The following CFAP299 variants were observed in gnomAD, a reference collection of about 807,000 sequenced individuals.
The protein encoded by CFAP299 is cilia and flagella associated protein 299, also known as cilia- and flagella-associated protein 299.
In CFAP299, 21 loss-of-function variants were observed where a neutral mutation model predicts 27.0. The ratio of observed to expected loss-of-function variants is 0.78; its 90% CI spans 0.55 to 1.12. CFAP299 has a LOEUF of 1.12. CFAP299 is among the 50% of genes most tolerant of loss of function. CFAP299 has a pLI of 0.00. For synonymous variants in CFAP299, 104 were observed against 98.1 expected (o/e 1.06, Z -0.36); for missense variants, 310 against 276.6 (o/e 1.12, Z -0.86).
At chr4:80,571,275 G>T (rs1236781778) in intron 2 of CFAP299, among the ~76,000 whole-genome samples, 1 of 152,024 alleles carries the variant, frequency 6.6e-6, no homozygotes, top group Non-Finnish European at 1.5e-5. Flanking sequence ...TCAAGATAAG[G>T]AAGTTTTTCC....
At chr4:80,665,835 T>A (rs1461212358) in intron 3 of CFAP299, among the ~76,000 whole-genome samples, 1 of 152,050 alleles carries the variant, frequency 6.6e-6, no homozygotes, top group Non-Finnish European at 1.5e-5. Context: ...GAATAGTGAG[T>A]GAGTCCTTGT....
chr4:80,567,546 A>C (rs1041844741), intron 2 of CFAP299, among the ~76,000 whole-genome samples: 1 of 151,958 alleles, frequency 6.6e-6, no homozygotes, highest in African/African-American at 2.4e-5. Flanking sequence ...AGGGGAGGAG[A>C]CTAAAAAAGC....
intron 2 of CFAP299, among the ~76,000 whole-genome samples, chr4:80,401,208 A>G (rs1291700626): frequency 6.6e-6 from 1 of 152,210 alleles, no homozygotes; most frequent in Non-Finnish European, 1.5e-5. Flanking sequence ...TCTGGGGAGA[A>G]ATTCAAGCTG....
At chr4:80,334,049 G>A (rs1373288165), upstream of CFAP299, among the ~76,000 whole-genome samples, 1 of 152,148 alleles carries the variant, frequency 6.6e-6, no homozygotes, top group African/African-American at 2.4e-5. Context: ...GATATTAATA[G>A]AGAAGCTGAT....
At chr4:80,364,089 A>AAAACACACACACACACACACACAC (rs1553916990) in intron 2 of CFAP299, among the ~76,000 whole-genome samples, 1 of 110,844 alleles carries the variant, frequency 9.0e-6, no homozygotes, top group African/African-American at 3.8e-5. Context: ...TCCGTCTCAA[A>AAAACACACACACACACACACACAC]ACACACACAC....
intron 2 of CFAP299, among the ~76,000 whole-genome samples, chr4:80,503,049 C>T (rs1253767828): frequency 2.6e-5 from 4 of 152,196 alleles, no homozygotes; most frequent in South Asian, 2.1e-4. Flanking sequence ...ATAATGTTAT[C>T]GAGAGGCAGA....
chr4:80,482,945 C>A (rs1366317402), intron 2 of CFAP299, among the ~76,000 whole-genome samples: 2 of 152,192 alleles, frequency 1.3e-5, no homozygotes, highest in Non-Finnish European at 1.5e-5. Flanking sequence ...AATACCTTCC[C>A]TTCCCCAAGA....
chr4:80,911,092 C>A (rs566019351), intron 4 of CFAP299, among the ~76,000 whole-genome samples: 3 of 151,922 alleles, frequency 2.0e-5, no homozygotes, highest in East Asian at 1.9e-4. Flanking sequence ...GTATGCAGAG[C>A]CTTTGCAATT....
intron 3 of CFAP299, among the ~76,000 whole-genome samples, chr4:80,840,182 T>G (rs1053437953): frequency 6.6e-6 from 1 of 152,172 alleles, no homozygotes; most frequent in Non-Finnish European, 1.5e-5. Flanking sequence ...CACATTCAAA[T>G]TAAGTTACCC....
At chr4:80,524,570 A>G (rs1733079501) in intron 2 of CFAP299, among the ~76,000 whole-genome samples, 1 of 152,162 alleles carries the variant, frequency 6.6e-6, no homozygotes, top group South Asian at 2.1e-4. Flanking sequence ...GCCCATATGT[A>G]TGACTGCCTA....
intron 2 of CFAP299, among the ~76,000 whole-genome samples, chr4:80,566,560 G>C (rs1295088808): frequency 6.6e-6 from 1 of 152,072 alleles, no homozygotes; most frequent in Non-Finnish European, 1.5e-5. Context: ...GACATATGTA[G>C]CATAAGGACC....
At position 80,406,977 on chromosome 4, in the gene CFAP299, G is replaced by A. The variant is rs192201742; in HGVS notation, c.242+44093G>A. Among the ~76,000 whole-genome samples the A allele has an allele frequency of 2.2e-4, 33 of 151,822 alleles. 1 individual carries two copies. The highest frequency in any genetic ancestry group is 1.9e-3 in the Admixed American group (29 of 15,226). On this transcript the variant is annotated intron_variant, in intron 2 of 5. Transcript: ENST00000358105. ...ATCTGGGCAATACCATTTCTACATG[G>A]TTTTTTTTAAACCAAAATAGCAAAA...
At chr4:80,510,452 G>A (rs150705661) in intron 2 of CFAP299, among the ~76,000 whole-genome samples, 169 of 152,244 alleles carry the variant, frequency 1.1e-3, no homozygotes, top group African/African-American at 3.7e-3. Context: ...GGAGCCATAT[G>A]TGTTCCAAAA....
At chr4:80,612,197 C>A (rs1738019014) in intron 3 of CFAP299, among the ~76,000 whole-genome samples, 1 of 151,914 alleles carries the variant, frequency 6.6e-6, no homozygotes, top group Non-Finnish European at 1.5e-5. Flanking sequence ...TATATAATTT[C>A]TCTATTTTTA....
intron 2 of CFAP299, among the ~76,000 whole-genome samples, chr4:80,515,429 G>T (rs1357377657): frequency 2.0e-5 from 3 of 152,194 alleles, no homozygotes; most frequent in Middle Eastern, 3.4e-3. Context: ...TTTTGTCTCT[G>T]TAGGCACAAT....
chr4:80,509,920 C>G (rs1437462637), intron 2 of CFAP299, among the ~76,000 whole-genome samples: 1 of 151,298 alleles, frequency 6.6e-6, no homozygotes, highest in Non-Finnish European at 1.5e-5. Context: ...CCTCCAAGAT[C>G]CTGTGGGTTC....
At chr4:80,564,573 T>C (rs1735191590) in intron 2 of CFAP299, among the ~76,000 whole-genome samples, 1 of 151,218 alleles carries the variant, frequency 6.6e-6, no homozygotes, top group Non-Finnish European at 1.5e-5. Context: ...GTTAGGATCA[T>C]ACTAAATGGA....
At chr4:80,800,584 AAT>A (rs1491175989) in intron 3 of CFAP299, among the ~76,000 whole-genome samples, 3 of 85,738 alleles carry the variant, frequency 3.5e-5, no homozygotes, top group South Asian at 6.6e-4. Flanking sequence ...ATAAATATAT[AAT>A]ATATAATATA....
chr4:80,805,900 T>G (rs1026925336), intron 3 of CFAP299, among the ~76,000 whole-genome samples: 4 of 150,794 alleles, frequency 2.7e-5, no homozygotes, highest in African/African-American at 4.9e-5. Flanking sequence ...AAAATTAAAA[T>G]AAAATAAAAA....
Sources: allele counts gnomAD v4.1 joint callset (sites outside exome capture counted in the v4.1 genomes callset), GRCh38; gene constraint gnomAD v4.1.1; transcripts MANE v1.5; gene names NCBI Gene and HGNC (gene_info 2026-07-23, HGNC 2026-07-21).